RNLS: variants seen among roughly 807,000 people sequenced by gnomAD.
RNLS encodes renalase, FAD dependent amine oxidase.
Under a neutral mutation model 39.8 loss-of-function variants are expected in RNLS, and 39 were observed. The observed-to-expected ratio is 0.98, with a 90% CI of 0.76 to 1.28. The LOEUF is 1.28. Ranked by LOEUF, RNLS falls within the 50% of genes most tolerant of loss-of-function variation. The pLI is 0.00. For missense variants in RNLS, 410 were observed against 413.3 expected, an observed-to-expected ratio of 0.99 and a Z score of 0.07; for synonymous variants, 147 against 150.7, an observed-to-expected ratio of 0.98 and a Z score of 0.18.
chr10:88,581,290 G>GTATATA (rs879726063), intron 3 of RNLS, among the ~76,000 whole-genome samples: 8 of 135,470 alleles, frequency 5.9e-5, no homozygotes, highest in South Asian at 4.9e-4. Flanking sequence ...ATGTGTGTGT[G>GTATATA]TGTGTATATA....
At chr10:88,232,593 C>A in the RNLS span, among the ~76,000 whole-genome samples, 8 of 152,180 alleles carry the variant, frequency 5.3e-5, no homozygotes, top group African/African-American at 1.9e-4. Flanking sequence ...ACTTCCACTT[C>A]TTAAAGTAGA....
At chr10:88,446,171 C>T (rs1383381752) in intron 4 of RNLS, among the ~76,000 whole-genome samples, 5 of 152,122 alleles carry the variant, frequency 3.3e-5, no homozygotes, top group Non-Finnish European at 5.9e-5. Context: ...CACTCAAAAC[C>T]GCTCAACTAC....
intron 4 of RNLS, among the ~76,000 whole-genome samples, chr10:88,478,121 T>C (rs1215500629): frequency 6.6e-6 from 1 of 152,182 alleles, no homozygotes; most frequent in African/African-American, 2.4e-5. Flanking sequence ...ACAAGGACTT[T>C]AAAATCCATT....
At chr10:88,377,852 G>GTACTT (rs1421145626) in intron 4 of RNLS, among the ~76,000 whole-genome samples, 5 of 152,000 alleles carry the variant, frequency 3.3e-5, no homozygotes, top group African/African-American at 1.2e-4. Context: ...CTTAACATTT[G>GTACTT]TACTTTGTAA....
intron 4 of RNLS, among the ~76,000 whole-genome samples, chr10:88,554,673 T>C (rs1044072899): frequency 6.6e-6 from 1 of 152,060 alleles, no homozygotes; most frequent in African/African-American, 2.4e-5. Flanking sequence ...TCTGTGTTGA[T>C]GTGCTCTGCC....
At chr10:88,538,054 A>G (rs1423435298) in intron 4 of RNLS, among the ~76,000 whole-genome samples, 2 of 152,164 alleles carry the variant, frequency 1.3e-5, no homozygotes, top group Non-Finnish European at 2.9e-5. Context: ...AATATAATTA[A>G]TGTTCAGAGA....
the RNLS span, among the ~76,000 whole-genome samples, chr10:88,243,697 C>T: frequency 1.3e-5 from 2 of 152,310 alleles, no homozygotes; most frequent in South Asian, 2.1e-4. Flanking sequence ...AAGCATTTGC[C>T]GATATTCCTT....
chr10:88,549,825 T>A (rs574851570), intron 4 of RNLS, among the ~76,000 whole-genome samples: 1 of 152,338 alleles, frequency 6.6e-6, no homozygotes, highest in East Asian at 1.9e-4. Flanking sequence ...TTTAATTTGT[T>A]ATATATTCAC....
chr10:88,352,132 A>C (rs1361800956), intron 5 of RNLS, among the ~76,000 whole-genome samples: 5 of 152,226 alleles, frequency 3.3e-5, no homozygotes, highest in African/African-American at 1.2e-4. Flanking sequence ...ATATACAGTC[A>C]TGTCATCTGC....
chr10:88,367,096 T>C (rs1850180061), intron 4 of RNLS, among the ~76,000 whole-genome samples: 2 of 152,014 alleles, frequency 1.3e-5, no homozygotes, highest in South Asian at 4.1e-4. Flanking sequence ...TAAATTTTAA[T>C]AGAGGTTTAA....
downstream of RNLS, among the ~76,000 whole-genome samples, chr10:88,271,899 G>T (rs1564653322): frequency 6.6e-6 from 1 of 152,172 alleles, no homozygotes; most frequent in Non-Finnish European, 1.5e-5. Flanking sequence ...ACTCTGCCAC[G>T]AAGGCCAGGA....
the RNLS span, among the ~76,000 whole-genome samples, chr10:88,179,920 C>T: frequency 6.6e-6 from 1 of 152,128 alleles, no homozygotes; most frequent in African/African-American, 2.4e-5. Flanking sequence ...AAGAAAAAAC[C>T]CTATGTTTTC....
intron 4 of RNLS, among the ~76,000 whole-genome samples, chr10:88,537,635 C>A (rs1472231649): frequency 1.3e-5 from 2 of 151,852 alleles, no homozygotes; most frequent in African/African-American, 4.8e-5. Flanking sequence ...TTAAATGAAG[C>A]ACAAAAACAG....
intron 4 of RNLS, among the ~76,000 whole-genome samples, chr10:88,365,923 T>C (rs950804097): frequency 3.9e-5 from 6 of 152,138 alleles, no homozygotes; most frequent in Non-Finnish European, 7.4e-5. Flanking sequence ...AAAAGAAGGC[T>C]AATAATACAT....
At chr10:88,418,186 C>T (rs1854157724) in intron 4 of RNLS, among the ~76,000 whole-genome samples, 1 of 151,370 alleles carries the variant, frequency 6.6e-6, no homozygotes, top group African/African-American at 2.4e-5. Context: ...TACTGCATGC[C>T]TATATGTGCT....
chr10:88,288,504 T>G (rs1465510458), intron 6 of RNLS, among the ~76,000 whole-genome samples: 1 of 152,164 alleles, frequency 6.6e-6, no homozygotes, highest in Non-Finnish European at 1.5e-5. Context: ...TATGTGTGTG[T>G]CTATGTATAA....
chr10:88,341,428 A>G (rs1244201698), intron 5 of RNLS, among the ~76,000 whole-genome samples: 4 of 152,144 alleles, frequency 2.6e-5, no homozygotes, highest in Admixed American at 6.5e-5. Context: ...GGAGTGCAAT[A>G]AATAGACACT....
intron 4 of RNLS, among the ~76,000 whole-genome samples, chr10:88,498,726 A>G (rs899910440): frequency 9.9e-5 from 15 of 151,962 alleles, no homozygotes; most frequent in African/African-American, 3.4e-4. Context: ...TGTCACTTCT[A>G]CAAATTACTC....
chr10:88,469,813 ATGTGTGTGCGTGTG>A (rs1843407307), intron 4 of RNLS, among the ~76,000 whole-genome samples: 1 of 128,222 alleles, frequency 7.8e-6, no homozygotes, highest in African/African-American at 2.8e-5. Context: ...CAATATTTTT[ATGTGTGTGCGTGTG>A]TGTGTGTGTG....
Sources: allele counts gnomAD v4.1 joint callset (sites outside exome capture counted in the v4.1 genomes callset), GRCh38; gene constraint gnomAD v4.1.1; transcripts MANE v1.5; gene names NCBI Gene and HGNC (gene_info 2026-07-23, HGNC 2026-07-21).